ARHGAP17: variants seen among roughly 807,000 people sequenced by gnomAD.
The protein encoded by ARHGAP17 is Rho GTPase activating protein 17.
A neutral mutation model predicts 99.5 loss-of-function variants in ARHGAP17; 57 were observed. The observed-to-expected ratio is 0.57, with a 90% CI of 0.46 to 0.71. ARHGAP17 has a LOEUF of 0.71. Ranked by LOEUF, ARHGAP17 falls within the 30% of genes least tolerant of loss-of-function variation. The probability of loss-of-function intolerance (pLI) is 0.00; values close to 1 mark genes in which losing one functional copy is unlikely to be tolerated. For synonymous variants in ARHGAP17, 417 were observed against 429.6 expected (o/e 0.97, Z 0.36); for missense variants, 1,000 against 1,122.4 (o/e 0.89, Z 1.56).
intron 1 of ARHGAP17, among the ~76,000 whole-genome samples, chr16:24,984,640 C>T (rs566304860): frequency 2.7e-5 from 4 of 150,650 alleles, no homozygotes; most frequent in South Asian, 2.1e-4. Flanking sequence ...CCAGCCTGGG[C>T]GACAGAGCAA....
At chr16:24,993,240 A>C (rs1349165312) in intron 1 of ARHGAP17, among the ~76,000 whole-genome samples, 1 of 152,180 alleles carries the variant, frequency 6.6e-6, no homozygotes, top group Non-Finnish European at 1.5e-5. Context: ...TTTTACCTAT[A>C]TTATTTCATT....
At chr16:25,001,692 T>C (rs2141482949) in intron 1 of ARHGAP17, among the ~76,000 whole-genome samples, 1 of 152,232 alleles carries the variant, frequency 6.6e-6, no homozygotes, top group East Asian at 1.9e-4. Context: ...AGTGCTGGGA[T>C]TACAGGCGTG....
Position 24,935,453 on chromosome 16 carries a change from G to C in ARHGAP17, c.1894+17C>G. ...GCACAGGCTTCCCTGAGGGCAAGGA[G>C]GACGGTGGCTGCTTACCTCGGCGCA... On this transcript the variant is annotated intron_variant, in intron 18 of 19. Coordinates refer to ENST00000289968, the MANE Select transcript of ARHGAP17 (RefSeq NM_001006634.3). 2 of 1,570,324 alleles carry C rather than the reference G, an allele frequency of 1.3e-6. No homozygotes were observed. The highest frequency in any genetic ancestry group is 1.2e-5 in the South Asian group (1 of 86,452).
At chr16:24,950,836 C>CAAAAAAAAAAAAAAAAAAAAA (rs1177614713) in intron 12 of ARHGAP17, among the ~76,000 whole-genome samples, 21 of 39,410 alleles carry the variant, frequency 5.3e-4, no homozygotes, top group African/African-American at 1.9e-3. Context: ...GACTCCAACT[C>CAAAAAAAAAAAAAAAAAAAAA]AAAAAAAAAA....
In ARHGAP17 at chr16:24,970,511, GGAGA is replaced by G; in HGVS notation, c.264_267del (p.Leu89TrpfsTer37). On this transcript the variant is annotated frameshift_variant, in exon 4 of 20. Coordinates refer to ENST00000289968, the MANE Select transcript of ARHGAP17 (RefSeq NM_001006634.3). LOFTEE classifies it high-confidence loss of function. ...TCTGAAGGCAGCAACTCTTACCCCA[GGAGA>G]GAGTCTTCCAGCTGAGTCGATGCTT... 6.2e-7 allele frequency: 1 copy of G among 1,614,038 alleles called. No individual in the cohort carries two copies. The highest frequency in any genetic ancestry group is 8.5e-7 in the Non-Finnish European group (1 of 1,179,914).
At chr16:24,975,766 T>G (rs1223673695) in intron 3 of ARHGAP17, among the ~76,000 whole-genome samples, 1 of 152,180 alleles carries the variant, frequency 6.6e-6, no homozygotes, top group East Asian at 1.9e-4. Flanking sequence ...GTCACTTCAA[T>G]GTTGCATGGG....
chr16:24,939,302 C>A (rs1468658373), intron 17 of ARHGAP17, 62 bp downstream of exon 17: 2 of 1,462,212 alleles, frequency 1.4e-6, no homozygotes, highest in Non-Finnish European at 1.8e-6. Context: ...GCTCAAAGGC[C>A]ACCACCTGCA....
chr16:24,963,304 T>C (rs1193299883), intron 7 of ARHGAP17, among the ~76,000 whole-genome samples: 1 of 152,230 alleles, frequency 6.6e-6, no homozygotes. Context: ...CCCACTATAT[T>C]ATTTTTATAT....
rs1394001834 is a variant in ARHGAP17, at chr16:24,978,948, G to GA, written c.93+17dup. On this transcript the variant is annotated intron_variant, in intron 2 of 19. Transcript: ENST00000289968. ...CATCCTTTAAACAGATCATTTAAAGGAGACTATATTTTGTTACCTGTAATA... is the reference window on the plus strand; with the variant it reads ...CATCCTTTAAACAGATCATTTAAAGGAAGACTATATTTTGTTACCTGTAATA... The GA allele has an allele frequency of 1.9e-6, 3 of 1,572,118 alleles. No homozygotes were observed. The African/African-American group carries it at 4.2e-5, about 22-fold the overall frequency.
chr16:24,975,394 G>C (rs1006584431), intron 3 of ARHGAP17, among the ~76,000 whole-genome samples: 10 of 152,274 alleles, frequency 6.6e-5, no homozygotes, highest in Admixed American at 6.5e-4. Context: ...TGGAGAATAA[G>C]AGAAGCAGAG....
chr16:24,997,381 A>T (rs990434139), intron 1 of ARHGAP17, among the ~76,000 whole-genome samples: 2 of 152,264 alleles, frequency 1.3e-5, no homozygotes, highest in Non-Finnish European at 2.9e-5. Context: ...CAAGGCACCC[A>T]GTACACACCC....
At chr16:24,971,929 G>A (rs534722012) in intron 3 of ARHGAP17, among the ~76,000 whole-genome samples, 4 of 152,132 alleles carry the variant, frequency 2.6e-5, no homozygotes, top group Admixed American at 6.6e-5. Context: ...TCTTCCCTAC[G>A]GGCCAATGGC....
At chr16:24,998,610 C>T (rs113763614) in intron 1 of ARHGAP17, among the ~76,000 whole-genome samples, 9,130 of 152,190 alleles carry the variant, frequency 0.06, 818 homozygotes, top group African/African-American at 0.19. Context: ...CTCAGGAAAA[C>T]GGGACAGAAA....
chr16:24,945,189 G>A (rs1243700670), intron 14 of ARHGAP17, among the ~76,000 whole-genome samples: 2 of 151,850 alleles, frequency 1.3e-5, no homozygotes, highest in Admixed American at 1.3e-4. Flanking sequence ...CAGGTGTGGT[G>A]GCATGCATCT....
intron 18 of ARHGAP17, among the ~76,000 whole-genome samples, chr16:24,933,807 T>G (rs2051060098): frequency 3.4e-5 from 5 of 145,492 alleles, no homozygotes; most frequent in Non-Finnish European, 4.5e-5. Context: ...GCGCAGGGGG[T>G]GGGGAAGGAA....
At chr16:24,935,010 T>C (rs1406260642) in intron 18 of ARHGAP17, among the ~76,000 whole-genome samples, 3 of 152,098 alleles carry the variant, frequency 2.0e-5, no homozygotes, top group Admixed American at 6.6e-5. Flanking sequence ...ATGATCTGCT[T>C]GGAGTTTTAA....
At position 24,931,233 on chromosome 16, in the gene ARHGAP17, G is replaced by A. The variant is rs747248292; in HGVS notation, c.2066C>T (p.Pro689Leu). The A allele has an allele frequency of 6.4e-7, 1 of 1,555,788 alleles. No individual in the cohort carries two copies. The highest frequency in any genetic ancestry group is 8.7e-7 in the Non-Finnish European group (1 of 1,151,550). Reference sequence around the variant, plus strand: ...TGCTGAGAGCTGGGAGGGGGCGGAGGGCTGGCCTGGAGGCTGGCCCGTGTG... The same window carrying A: ...TGCTGAGAGCTGGGAGGGGGCGGAGAGCTGGCCTGGAGGCTGGCCCGTGTG... Reference protein sequence around the residue: ...TQHTGQPPGQPSAPSQLSAPR... With the variant: ...TQHTGQPPGQLSAPSQLSAPR... Residue 689 changes from proline (P) to leucine (L), a missense_variant, in exon 19 of 20, where the codon CCC becomes CTC. By Grantham distance (98) the Pro-to-Leu change is moderately conservative. Transcript: ENST00000289968.
intron 1 of ARHGAP17, among the ~76,000 whole-genome samples, chr16:25,013,266 T>C (rs1268647869): frequency 1.3e-5 from 2 of 152,108 alleles, no homozygotes; most frequent in Admixed American, 6.5e-5. Flanking sequence ...AAGTAGATGC[T>C]AGCAGGTAAG....
At chr16:24,988,206 T>C (rs903871357) in intron 1 of ARHGAP17, among the ~76,000 whole-genome samples, 1 of 151,076 alleles carries the variant, frequency 6.6e-6, no homozygotes, top group Non-Finnish European at 1.5e-5. Context: ...GGAAGGAATC[T>C]AAAATCTACT....
Sources: allele counts gnomAD v4.1 joint callset (sites outside exome capture counted in the v4.1 genomes callset), GRCh38; gene constraint gnomAD v4.1.1; transcripts MANE v1.5; gene names NCBI Gene and HGNC (gene_info 2026-07-23, HGNC 2026-07-21).